Variants in CYSTM1 observed in about 807,000 individuals in gnomAD.
CYSTM1 encodes the protein cysteine-rich transmembrane module-containing protein 1.
A neutral mutation model predicts 13.1 loss-of-function variants in CYSTM1; 4 were observed. The observed-to-expected ratio is 0.31, with a 90% confidence interval of 0.15 to 0.70. The LOEUF (loss-of-function observed/expected upper bound fraction) is 0.70, where lower values mean the gene tolerates loss of function less well. Ranked by LOEUF, CYSTM1 falls within the 30% of genes least tolerant of loss-of-function variation. The probability of loss-of-function intolerance (pLI) is 0.72; values close to 1 mark genes in which losing one functional copy is unlikely to be tolerated. For missense variants in CYSTM1, 96 were observed against 121.6 expected, an observed-to-expected ratio of 0.79 and a Z score of 0.99; for synonymous variants, 36 against 42.7, an observed-to-expected ratio of 0.84 and a Z score of 0.62.
chr5:140,218,910 T>C (rs2126666564), intron 2 of CYSTM1, among the ~76,000 whole-genome samples: 1 of 152,314 alleles, frequency 6.6e-6, no homozygotes, highest in East Asian at 1.9e-4. Flanking sequence ...CAGCATATTT[T>C]TGGAGGGTCC....
chr5:140,224,941 G>A (rs1764531169), intron 2 of CYSTM1, among the ~76,000 whole-genome samples: 2 of 152,280 alleles, frequency 1.3e-5, no homozygotes, highest in South Asian at 4.2e-4. Flanking sequence ...CAGTACTTTG[G>A]GAAACCAAGC....
rs577709524 is a variant in CYSTM1, at chr5:140,178,441, C to CTTTTTTTTTTTTTTTTTTTTTTTTT, written c.-21+3157_-21+3181dup. ...TGGAAAAGCCCTATTCAAGTCCTTC[C>CTTTTTTTTTTTTTTTTTTTTTTTTT]TTTTTTTTTTTTTTTTTTTTTTTTT... On this transcript the variant is annotated intron_variant, in intron 1 of 2. Coordinates refer to ENST00000261811, the MANE Select transcript of CYSTM1 (RefSeq NM_032412.4). Among the ~76,000 whole-genome samples, 22 of 52,666 alleles carry CTTTTTTTTTTTTTTTTTTTTTTTTT rather than the reference C, an allele frequency of 4.2e-4. 1 individual carries two copies. Among genetic ancestry groups the CTTTTTTTTTTTTTTTTTTTTTTTTT allele is most frequent in the East Asian group, 1.2e-3 (2 of 1,666 alleles). The allele number at this position is 52,666 out of a possible 152,430, so 34.6% of individuals were successfully genotyped here.
chr5:140,235,842 A>T (rs886745981), intron 2 of CYSTM1, among the ~76,000 whole-genome samples: 15 of 152,234 alleles, frequency 9.9e-5, no homozygotes, highest in African/African-American at 3.6e-4. Context: ...AGGCAGTGGC[A>T]TTACAAGACT....
At chr5:140,229,252 T>C (rs1309086409) in intron 2 of CYSTM1, among the ~76,000 whole-genome samples, 3 of 152,196 alleles carry the variant, frequency 2.0e-5, no homozygotes, top group African/African-American at 7.2e-5. Flanking sequence ...TGGAGTGCAG[T>C]GGCGTGATCT....
chr5:140,200,708 C>CT lies in CYSTM1; in HGVS notation c.187+6057dup, dbSNP rs1226088407. On this transcript the variant is annotated intron_variant, in intron 2 of 2. Coordinates refer to ENST00000261811, the MANE Select transcript of CYSTM1 (RefSeq NM_032412.4). ...CCCGAGTAGCTGGGACTACAGATGCCTGCCACCATGCTCAGCTAATTTTTT... is the reference window on the plus strand; with the variant it reads ...CCCGAGTAGCTGGGACTACAGATGCCTTGCCACCATGCTCAGCTAATTTTTT... 7 of 152,196 alleles carry CT rather than the reference C, an allele frequency of 4.6e-5. No individual in the cohort carries two copies. The East Asian group carries it at 1.4e-3, about 29-fold the overall frequency. The allele number at this position is 152,196 out of a possible 1,614,324, so 9.4% of individuals were successfully genotyped here. A position where few individuals can be genotyped will look rare whatever the true frequency, so the allele number is the denominator to read the frequency against.
At chr5:140,178,686 C>T (rs1763922693) in intron 1 of CYSTM1, among the ~76,000 whole-genome samples, 1 of 151,706 alleles carries the variant, frequency 6.6e-6, no homozygotes, top group Admixed American at 6.6e-5. Flanking sequence ...CTGCAACCTC[C>T]ACCTCCTGGG....
rs1237748287 is a variant in CYSTM1 at position 140,230,647 on chromosome 5, T to G, written c.188-12658T>G. On this transcript the variant is annotated intron_variant, in intron 2 of 2. Transcript: ENST00000261811. This position sits in a 1 kb window ranked among gnomAD's most constrained non-coding sequence, Gnocchi z 4.1. ...TCCAAACTCCAGCTGGCCATATTGG[T>G]TCTAACAGATTTCACTCAGTTCTTT... 3.3e-5 allele frequency among the ~76,000 whole-genome samples: 5 copies of G among 152,226 alleles called. No homozygotes were observed. Among genetic ancestry groups the G allele is most frequent in the African/African-American group, 1.2e-4 (5 of 41,456 alleles).
rs1003545029 is a variant in CYSTM1, at chr5:140,239,087, A to G, written c.188-4218A>G. 6.6e-6 allele frequency among the ~76,000 whole-genome samples: 1 copy of G among 152,160 alleles called. No homozygotes were observed. The highest frequency in any genetic ancestry group is 2.4e-5 in the African/African-American group (1 of 41,430). On this transcript the variant is annotated intron_variant, in intron 2 of 2. Transcript: ENST00000261811. This position sits in a 1 kb window ranked among gnomAD's most constrained non-coding sequence, Gnocchi z 5.4. ...GTCTTTCTGTTTGCCTTTCCCGCCTAGCTCTCTTGGGTTGGGACTGGTACA... is the reference window on the plus strand; with the variant it reads ...GTCTTTCTGTTTGCCTTTCCCGCCTGGCTCTCTTGGGTTGGGACTGGTACA...
rs368769545 is a variant in CYSTM1 at position 140,175,969 on chromosome 5, G to C, written c.-21+684G>C. Among the ~76,000 whole-genome samples the C allele has an allele frequency of 1.1e-4, 17 of 152,318 alleles. No homozygotes were observed. In the South Asian group the frequency reaches 2.1e-3, roughly 19 times the overall value. ...CTCCCGGTAGCAGTGGAGGTTGCAG[G>C]GGGGAGAGAAGGAGGGGAGGACCCC... is the stretch of plus-strand genomic sequence containing the variant. On this transcript the variant is annotated intron_variant, in intron 1 of 2. Transcript: ENST00000261811. The surrounding 1 kb of genome is among the most constrained non-coding windows in gnomAD (Gnocchi z 4.9).
At chr5:140,208,375 A>T (rs1470458054) in intron 2 of CYSTM1, among the ~76,000 whole-genome samples, 5 of 152,216 alleles carry the variant, frequency 3.3e-5, no homozygotes, top group Non-Finnish European at 7.4e-5. Flanking sequence ...TATTTGTGGG[A>T]TCTAAAAATC....
intron 2 of CYSTM1, among the ~76,000 whole-genome samples, chr5:140,196,607 G>A (rs1007749002): frequency 2.0e-5 from 3 of 152,282 alleles, no homozygotes; most frequent in African/African-American, 7.2e-5. Flanking sequence ...ATGCATGCTC[G>A]GAAGAGGGCA....
At chr5:140,182,661 A>AGTT (rs1763972793) in intron 1 of CYSTM1, among the ~76,000 whole-genome samples, 1 of 150,664 alleles carries the variant, frequency 6.6e-6, no homozygotes, top group African/African-American at 2.4e-5. Flanking sequence ...AATAACCCAA[A>AGTT]CTACTTTGAG....
intron 2 of CYSTM1, among the ~76,000 whole-genome samples, chr5:140,205,542 C>T (rs1764288724): frequency 6.6e-6 from 1 of 152,152 alleles, no homozygotes; most frequent in Admixed American, 6.5e-5. Context: ...CCAACAAGGA[C>T]ACTGCTTAGT....
intron 2 of CYSTM1, among the ~76,000 whole-genome samples, chr5:140,236,917 T>A (rs1173418865): frequency 1.3e-5 from 2 of 152,238 alleles, no homozygotes; most frequent in African/African-American, 4.8e-5. Flanking sequence ...TGGTCTTTAC[T>A]GGAAAATGCC....
chr5:140,176,790 C>A (rs1481787764), intron 1 of CYSTM1, among the ~76,000 whole-genome samples: 1 of 152,242 alleles, frequency 6.6e-6, no homozygotes, highest in African/African-American at 2.4e-5. Flanking sequence ...CTAGACCTGG[C>A]CTGGTGCGGT....
chr5:140,231,437 C>T (rs1197953140), intron 2 of CYSTM1, among the ~76,000 whole-genome samples: 2 of 152,152 alleles, frequency 1.3e-5, no homozygotes, highest in African/African-American at 4.8e-5. Flanking sequence ...TCATGGATTC[C>T]GTAAACGTAG....
At chr5:140,234,339 A>T (rs1679188094) in intron 2 of CYSTM1, among the ~76,000 whole-genome samples, 1 of 152,184 alleles carries the variant, frequency 6.6e-6, no homozygotes. Flanking sequence ...TTAACCGGTT[A>T]TCTTGACTAC....
Position 140,223,148 on chromosome 5 carries a change from G to A in CYSTM1, c.188-20157G>A, listed in dbSNP as rs73254778. On this transcript the variant is annotated intron_variant, in intron 2 of 2. Transcript: ENST00000261811. ...AGTCAGAAAGACCCTTAATGGGGTA[G>A]GTCAGGAAGATCTCTTGGAGGAACC... Among the ~76,000 whole-genome samples, 1,446 of 152,288 alleles carry A rather than the reference G, an allele frequency of 9.5e-3. 17 individuals carry two copies. The highest frequency in any genetic ancestry group is 0.031 in the African/African-American group (1,269 of 41,556).
rs1764046129 is a variant in CYSTM1, at chr5:140,188,255, G to C, written c.-20-6191G>C. Among the ~76,000 whole-genome samples, 3 of 151,664 alleles carry C rather than the reference G, an allele frequency of 2.0e-5. No individual in the cohort carries two copies. The East Asian group carries it at 5.8e-4, about 29-fold the overall frequency. On this transcript the variant is annotated intron_variant, in intron 1 of 2. Coordinates refer to ENST00000261811, the MANE Select transcript of CYSTM1 (RefSeq NM_032412.4). ...CTTGCTAATTTTTTTGCGGGGGGAAGGGGGGAGGGTAGACACAAGGTTTCA... is the reference window on the plus strand; with the variant it reads ...CTTGCTAATTTTTTTGCGGGGGGAACGGGGGAGGGTAGACACAAGGTTTCA...
Sources: gnomAD v4.1 joint callset for allele counts (sites outside exome capture counted in the v4.1 genomes callset) on GRCh38, gnomAD v4.1.1 for gene constraint, Gnocchi (gnomAD v3.1) non-coding constraint, MANE v1.5 for transcripts, NCBI Gene and HGNC (gene_info 2026-07-23, HGNC 2026-07-21) for gene names.